Variants in VTI1A observed in about 807,000 individuals in gnomAD.
VTI1A encodes the protein vesicle transport through interaction with t-SNAREs homolog 1A.
A neutral mutation model predicts 34.9 loss-of-function variants in VTI1A; 22 were observed. The observed-to-expected ratio is 0.63, with a 90% confidence interval of 0.45 to 0.90. The LOEUF (loss-of-function observed/expected upper bound fraction) is 0.90, where lower values mean the gene tolerates loss of function less well. Among genes scored for constraint, VTI1A ranks in the 40% least tolerant of loss-of-function variants. The pLI, the probability that VTI1A is intolerant of heterozygous loss-of-function variation, is 0.00. For missense variants in VTI1A, 268 were observed against 275.6 expected, an observed-to-expected ratio of 0.97 and a Z score of 0.20; for synonymous variants, 87 against 97.3, an observed-to-expected ratio of 0.89 and a Z score of 0.62.
At chr10:112,674,595 A>G (rs1847965760) in intron 7 of VTI1A, among the ~76,000 whole-genome samples, 1 of 152,198 alleles carries the variant, frequency 6.6e-6, no homozygotes, top group Non-Finnish European at 1.5e-5. Flanking sequence ...TTATCTGTCA[A>G]TGATAACTCT....
rs78661058 is a variant in VTI1A at position 112,708,505 on chromosome 10, A to G, written c.560+39507A>G. ...TGTTTCCTAAAAGTGGTAAAAAGGA[A>G]AACACTCATCTCTAATGTTTTATAC... On this transcript the variant is annotated intron_variant, in intron 7 of 7. Transcript: ENST00000393077. Among the ~76,000 whole-genome samples the G allele has an allele frequency of 1.3e-3, 201 of 152,346 alleles. 5 individuals carry two copies. The East Asian group carries it at 0.032, about 25-fold the overall frequency.
intron 3 of VTI1A, among the ~76,000 whole-genome samples, chr10:112,487,814 AG>A (rs1848696089): frequency 6.6e-6 from 1 of 152,220 alleles, no homozygotes; most frequent in African/African-American, 2.4e-5. Flanking sequence ...TTGTCCAAAT[AG>A]TTTAACTTAA....
In VTI1A at chr10:112,816,443, C is replaced by T; in HGVS notation, c.*1060C>T. 1 of 224,820 alleles carries T rather than the reference C, an allele frequency of 4.4e-6. No homozygotes were observed. Among genetic ancestry groups the T allele is most frequent in the Non-Finnish European group, 8.9e-6 (1 of 112,758 alleles). 13.9% of individuals were successfully genotyped at this position (224,820 alleles called of 1,614,324 possible). A position where few individuals can be genotyped will look rare whatever the true frequency, so the allele number is the denominator to read the frequency against. On this transcript the variant is annotated 3_prime_UTR_variant, in exon 8 of 8. Transcript: ENST00000393077. ...AAAGAATAGAGGATGGCAGATTGTT[C>T]CAAAAGGAATGGCTTGGGTTTTTAA...
intron 5 of VTI1A, among the ~76,000 whole-genome samples, chr10:112,616,488 T>C (rs1845517911): frequency 6.6e-6 from 1 of 152,150 alleles, no homozygotes; most frequent in South Asian, 2.1e-4. Context: ...AATTAGGCTC[T>C]CTGGATTCCT....
the VTI1A span, chr10:112,824,136 T>G: frequency 6.6e-6 from 1 of 152,290 alleles, no homozygotes; most frequent in East Asian, 1.9e-4. Flanking sequence ...GCCCAGCAAC[T>G]CAAGGCTGGG....
intron 7 of VTI1A, among the ~76,000 whole-genome samples, chr10:112,684,152 A>G (rs1848317984): frequency 6.6e-6 from 1 of 152,108 alleles, no homozygotes; most frequent in Non-Finnish European, 1.5e-5. Context: ...ATTAATTGGC[A>G]TATTTTATTC....
In VTI1A at chr10:112,682,450, T is replaced by G. The variant is rs547846691; in HGVS notation, c.560+13452T>G. ...GAAATTAATTTACCAATCTTCATTT[T>G]TAGTAGTGGGCAACTATTTAATAAA... On this transcript the variant is annotated intron_variant, in intron 7 of 7. Transcript: ENST00000393077. Among the ~76,000 whole-genome samples the G allele has an allele frequency of 2.0e-5, 3 of 152,334 alleles. No individual in the cohort carries two copies. In the South Asian group the frequency reaches 6.2e-4, roughly 32 times the overall value.
chr10:112,618,572 C>T (rs936663464), intron 5 of VTI1A, among the ~76,000 whole-genome samples: 3 of 116,578 alleles, frequency 2.6e-5, no homozygotes, highest in East Asian at 2.8e-4. Flanking sequence ...GTAATATCAA[C>T]GGGCTGTTAA....
intron 5 of VTI1A, among the ~76,000 whole-genome samples, chr10:112,658,616 A>G (rs1389858183): frequency 6.6e-6 from 1 of 152,150 alleles, no homozygotes; most frequent in East Asian, 1.9e-4. Context: ...AGAGAAGAAT[A>G]TATAAGCAAA....
intron 7 of VTI1A, among the ~76,000 whole-genome samples, chr10:112,685,682 G>T (rs560211161): frequency 6.6e-5 from 10 of 151,906 alleles, no homozygotes; most frequent in Admixed American, 5.9e-4. Flanking sequence ...CCCTTGTTCT[G>T]TAGTATTGAT....
intron 3 of VTI1A, among the ~76,000 whole-genome samples, chr10:112,472,313 T>A (rs1324622090): frequency 6.6e-6 from 1 of 152,162 alleles, no homozygotes; most frequent in African/African-American, 2.4e-5. Context: ...GCTGTCTACA[T>A]CAGAGAATGG....
At chr10:112,585,296 C>T (rs2134412398) in intron 5 of VTI1A, among the ~76,000 whole-genome samples, 1 of 152,280 alleles carries the variant, frequency 6.6e-6, no homozygotes, top group South Asian at 2.1e-4. Context: ...AACAGGCATG[C>T]CACTTAGGAT....
chr10:112,583,716 T>G (rs1844040808), intron 5 of VTI1A, among the ~76,000 whole-genome samples: 1 of 152,282 alleles, frequency 6.6e-6, no homozygotes, highest in East Asian at 1.9e-4. Context: ...GGAAGCAGTG[T>G]TATAGCAGAG....
chr10:112,740,569 G>T (rs1045725204), intron 7 of VTI1A, among the ~76,000 whole-genome samples: 3 of 152,246 alleles, frequency 2.0e-5, no homozygotes, highest in African/African-American at 7.2e-5. Flanking sequence ...ACAGGCGTGT[G>T]CCACGATGCC....
At chr10:112,777,305 G>T (rs1249953269) in intron 7 of VTI1A, among the ~76,000 whole-genome samples, 2 of 152,148 alleles carry the variant, frequency 1.3e-5, no homozygotes, top group African/African-American at 4.8e-5. Context: ...TGTCTGAGTG[G>T]TGTCTGAATT....
intron 5 of VTI1A, among the ~76,000 whole-genome samples, chr10:112,573,317 C>A (rs760767880): frequency 1.8e-4 from 27 of 152,218 alleles, no homozygotes; most frequent in Non-Finnish European, 3.2e-4. Context: ...CAAGACTAAG[C>A]CCTAGATCTC....
chr10:112,666,147 T>C (rs1256699097), intron 5 of VTI1A, among the ~76,000 whole-genome samples: 4 of 152,196 alleles, frequency 2.6e-5, no homozygotes, highest in Non-Finnish European at 5.9e-5. Context: ...TTCTCCATTA[T>C]TGATATCATC....
At chr10:112,587,518 A>C (rs1000125377) in intron 5 of VTI1A, among the ~76,000 whole-genome samples, 1 of 152,188 alleles carries the variant, frequency 6.6e-6, no homozygotes, top group Non-Finnish European at 1.5e-5. Flanking sequence ...GAAAGATAAT[A>C]AACTTTGATG....
intron 7 of VTI1A, among the ~76,000 whole-genome samples, chr10:112,773,737 G>A (rs1851879274): frequency 6.6e-6 from 1 of 152,220 alleles, no homozygotes; most frequent in Non-Finnish European, 1.5e-5. Context: ...AGGACCAAGA[G>A]AGATCTTTAG....
Sources: gnomAD v4.1 joint callset for allele counts (sites outside exome capture counted in the v4.1 genomes callset) on GRCh38, gnomAD v4.1.1 for gene constraint, MANE v1.5 for transcripts, NCBI Gene and HGNC (gene_info 2026-07-23, HGNC 2026-07-21) for gene names.